The following GATAD2B variants were observed in gnomAD, a reference collection of about 807,000 sequenced individuals.
The protein encoded by GATAD2B is GATA zinc finger domain containing 2B.
Under a neutral mutation model 64.3 loss-of-function variants are expected in GATAD2B, and 8 were observed. That is an observed-to-expected ratio of 0.12 (90% CI 0.07 to 0.22). The LOEUF is 0.22. GATAD2B is among the 10% of genes least tolerant of loss of function. The pLI, the probability that GATAD2B is intolerant of heterozygous loss-of-function variation, is 1.00. For missense variants in GATAD2B, 453 were observed against 752.0 expected (o/e 0.60, Z 4.65); for synonymous variants, 281 against 271.3 (o/e 1.04, Z -0.35).
intron 1 of GATAD2B, among the ~76,000 whole-genome samples, chr1:153,879,567 T>C (rs1396027188): frequency 4.6e-5 from 7 of 151,630 alleles, no homozygotes; most frequent in African/African-American, 1.7e-4. Context: ...ATCGAGACCA[T>C]CCTGGCCAAC....
At chr1:153,868,400 TTC>T (rs951109434) in intron 1 of GATAD2B, among the ~76,000 whole-genome samples, 2 of 151,860 alleles carry the variant, frequency 1.3e-5, no homozygotes, top group Non-Finnish European at 2.9e-5. Context: ...GACAGCTGGA[TTC>T]TCATAGCTGC....
At chr1:153,881,790 TGTGTGTGTGTGGAGGGTC>T (rs1326096527) in intron 1 of GATAD2B, among the ~76,000 whole-genome samples, 94 of 151,670 alleles carry the variant, frequency 6.2e-4, no homozygotes, top group African/African-American at 2.2e-3. Context: ...TTCGTGTGTG[TGTGTGTGTGTGGAGGGTC>T]GTGTGTGTGT....
intron 1 of GATAD2B, among the ~76,000 whole-genome samples, chr1:153,874,599 C>T (rs554465022): frequency 6.6e-6 from 1 of 151,986 alleles, no homozygotes; most frequent in South Asian, 2.1e-4. Flanking sequence ...GTTTTTGAGA[C>T]GGAGTTTCCC....
At chr1:153,915,386 G>A (rs1678230836) in intron 1 of GATAD2B, among the ~76,000 whole-genome samples, 1 of 152,086 alleles carries the variant, frequency 6.6e-6, no homozygotes, top group African/African-American at 2.4e-5. Flanking sequence ...CTGCACCATT[G>A]CACTCCAGCC....
At position 153,828,288 on chromosome 1, in the gene GATAD2B, T is replaced by C. The variant is rs1164466088; in HGVS notation, c.60A>G (p.Pro20=). The change falls in exon 2 of 11, where the codon CCA becomes CCG. Residue 20 remains proline, a synonymous_variant. Transcript: ENST00000368655. ...RLNLLKRSLD[P]ADERDDVLAK... is the part of the protein sequence containing the mutation. ...CCAGGACATCATCTCGCTCATCTGC[T>C]GGGTCCAAGCTCCGCTTCAACAGAT... 1 of 1,613,592 alleles carries C rather than the reference T, an allele frequency of 6.2e-7. No homozygotes were observed. The highest frequency in any genetic ancestry group is 8.5e-7 in the Non-Finnish European group (1 of 1,180,046).
chr1:153,893,104 G>A (rs2101951849), intron 1 of GATAD2B, among the ~76,000 whole-genome samples: 1 of 152,234 alleles, frequency 6.6e-6, no homozygotes, highest in East Asian at 1.9e-4. Context: ...TGTCTGGTCT[G>A]GATTTTACCT....
At chr1:153,878,500 A>T (rs960429080) in intron 1 of GATAD2B, among the ~76,000 whole-genome samples, 2 of 152,176 alleles carry the variant, frequency 1.3e-5, no homozygotes, top group African/African-American at 4.8e-5. Flanking sequence ...ACAGATATTA[A>T]CACCAAAAAA....
chr1:153,884,270 T>C (rs1189544288), intron 1 of GATAD2B, among the ~76,000 whole-genome samples: 1 of 152,226 alleles, frequency 6.6e-6, no homozygotes, highest in East Asian at 1.9e-4. Context: ...GAAACCCGTC[T>C]CTACTAAAAA....
intron 1 of GATAD2B, among the ~76,000 whole-genome samples, chr1:153,896,809 G>A (rs1432721201): frequency 6.6e-6 from 1 of 152,054 alleles, no homozygotes; most frequent in East Asian, 1.9e-4. Context: ...AGAGAGTTCA[G>A]GAGATCATGC....
At chr1:153,852,801 A>G (rs1675948941) in intron 1 of GATAD2B, 2 of 910,506 alleles carry the variant, frequency 2.2e-6, no homozygotes, top group Non-Finnish European at 3.6e-6. Flanking sequence ...GAACCATATC[A>G]TATCCTTCAA....
intron 1 of GATAD2B, among the ~76,000 whole-genome samples, chr1:153,868,932 A>G (rs943657628): frequency 2.0e-5 from 3 of 152,006 alleles, no homozygotes; most frequent in Non-Finnish European, 4.4e-5. Flanking sequence ...CGAAGCCAAG[A>G]TACTTAGAAG....
Position 153,818,057 on chromosome 1 carries a change from T to G in GATAD2B, c.712A>C (p.Asn238His). 5 of 1,609,678 alleles carry G rather than the reference T, an allele frequency of 3.1e-6. No individual in the cohort carries two copies. The highest frequency in any genetic ancestry group is 4.2e-6 in the Non-Finnish European group (5 of 1,178,448). Residue 238 changes from asparagine (N) to histidine (H), a missense_variant, in exon 5 of 11, where the codon AAT becomes CAT. Transcript: ENST00000368655. ...RPGAQGVEPQ[N>H]LRTLQGHSVI... Reference sequence around the variant, plus strand: ...TCACATACCTGTAATGTTCTCAAATTTTGAGGTTCAACCCCTTGGGCCCCA... The same window carrying G: ...TCACATACCTGTAATGTTCTCAAATGTTGAGGTTCAACCCCTTGGGCCCCA...
At chr1:153,885,355 C>CATTAT (rs1387450405) in intron 1 of GATAD2B, among the ~76,000 whole-genome samples, 1 of 152,112 alleles carries the variant, frequency 6.6e-6, no homozygotes, top group Non-Finnish European at 1.5e-5. Flanking sequence ...TAGATGATTT[C>CATTAT]ACCCAGGACT....
At chr1:153,890,508 CAG>C (rs956519693) in intron 1 of GATAD2B, 13 of 150,288 alleles carry the variant, frequency 8.7e-5, no homozygotes, top group African/African-American at 3.2e-4. Context: ...AAAAAAACGA[CAG>C]AACAAGAAAC....
intron 2 of GATAD2B, among the ~76,000 whole-genome samples, chr1:153,822,658 C>T (rs1006880144): frequency 5.9e-5 from 9 of 152,134 alleles, no homozygotes; most frequent in African/African-American, 2.2e-4. Flanking sequence ...TGCCCGCCAC[C>T]ACACCCGGCT....
intron 1 of GATAD2B, among the ~76,000 whole-genome samples, chr1:153,881,728 A>C (rs1205524841): frequency 6.6e-6 from 1 of 152,188 alleles, no homozygotes; most frequent in Non-Finnish European, 1.5e-5. Context: ...GATAAGAAAT[A>C]GAGAAAGAGA....
At chr1:153,848,451 C>T (rs1570955552) in intron 1 of GATAD2B, among the ~76,000 whole-genome samples, 1 of 152,172 alleles carries the variant, frequency 6.6e-6, no homozygotes, top group East Asian at 1.9e-4. Context: ...TGGGACTTCA[C>T]ATCTCTGGGT....
chr1:153,865,011 G>A (rs1372541772), intron 1 of GATAD2B, among the ~76,000 whole-genome samples: 2 of 151,180 alleles, frequency 1.3e-5, no homozygotes, highest in African/African-American at 4.9e-5. Flanking sequence ...CGGAGGTTGC[G>A]GTAAGCCGAG....
intron 1 of GATAD2B, among the ~76,000 whole-genome samples, chr1:153,868,738 CTTT>C (rs1269590974): frequency 3.6e-5 from 5 of 139,184 alleles, no homozygotes; most frequent in Non-Finnish European, 6.3e-5. Context: ...ATACTATATA[CTTT>C]TTTTTTTTTT....
Sources: gnomAD v4.1 joint callset for allele counts (sites outside exome capture counted in the v4.1 genomes callset) on GRCh38, gnomAD v4.1.1 for gene constraint, MANE v1.5 for transcripts, NCBI Gene and HGNC (gene_info 2026-07-23, HGNC 2026-07-21) for gene names.